Variants in JADE1 observed in about 807,000 individuals in gnomAD.
The protein encoded by JADE1 is jade family PHD finger 1, also known as protein Jade-1.
Under a neutral mutation model 81.8 loss-of-function variants are expected in JADE1, and 14 were observed. The observed-to-expected ratio is 0.17, with a 90% CI of 0.11 to 0.27. JADE1 has a LOEUF of 0.27. Among genes scored for constraint, JADE1 ranks in the 10% least tolerant of loss-of-function variants. The pLI is 1.00. For missense variants in JADE1, 690 were observed against 1,047.9 expected (o/e 0.66, Z 4.71); for synonymous variants, 353 against 391.9 (o/e 0.90, Z 1.17).
intron 3 of JADE1, 42 bp downstream of exon 3, chr4:128,843,080 T>C (rs373796499): frequency 3.2e-5 from 48 of 1,486,192 alleles, no homozygotes; most frequent in Middle Eastern, 1.7e-4. Context: ...GAATATATGC[T>C]ATCCCATATG....
chr4:128,821,299 T>C (rs1242310331), intron 1 of JADE1, among the ~76,000 whole-genome samples: 2 of 152,182 alleles, frequency 1.3e-5, no homozygotes, highest in African/African-American at 2.4e-5. Flanking sequence ...CTCTTGGTGA[T>C]AGCACTGTGT....
intron 9 of JADE1, chr4:128,864,026 A>G: frequency 4.1e-6 from 4 of 985,422 alleles, no homozygotes; most frequent in Non-Finnish European, 4.8e-6. Context: ...CTGTTTAAGT[A>G]GAACAATGCC....
chr4:128,862,837 G>A, intron 9 of JADE1: 1 of 990,844 alleles, frequency 1.0e-6, no homozygotes, highest in Non-Finnish European at 1.2e-6. Flanking sequence ...ATGTACACAT[G>A]CATATATCTG....
In JADE1 at chr4:128,855,783, C is replaced by T; in HGVS notation, c.850C>T (p.Leu284=). The change falls in exon 7 of 11, where the codon CTG becomes TTG. Residue 284 remains leucine, a synonymous_variant. Transcript: ENST00000226319. ...CAAGTGGGTCCACGTTAGCTGTGCT[C>T]TGTGGATCCCTGAGGTACGTGTGGT... ...GTKWVHVSCA[L]WIPEVSIGSP... 1 of 1,607,376 alleles carries T rather than the reference C, an allele frequency of 6.2e-7. No individual in the cohort carries two copies. Among genetic ancestry groups the T allele is most frequent in the Non-Finnish European group, 8.5e-7 (1 of 1,176,088 alleles).
chr4:128,823,260 G>A (rs1422219378), intron 1 of JADE1, among the ~76,000 whole-genome samples: 1 of 152,186 alleles, frequency 6.6e-6, no homozygotes, highest in Non-Finnish European at 1.5e-5. Context: ...GAGCTCATAA[G>A]CAGTGATTGG....
Position 128,861,689 on chromosome 4 carries a change from G to C in JADE1, c.982-15G>C, listed in dbSNP as rs547101717. On this transcript the variant is annotated splice_polypyrimidine_tract_variant and intron_variant, in intron 8 of 10. Transcript: ENST00000226319. The stretch of plus-strand genomic sequence containing the variant: ...ATAATGGTCTATTCTCATGTTCTTT[G>C]TGTGTTCTTGACAGTGCTCTGTGAA... The C allele has an allele frequency of 6.2e-7, 1 of 1,612,178 alleles. No individual in the cohort carries two copies. Among genetic ancestry groups the C allele is most frequent in the South Asian group, 1.1e-5 (1 of 90,846 alleles).
chr4:128,839,297 G>A (rs1729234803), intron 2 of JADE1, among the ~76,000 whole-genome samples: 1 of 152,114 alleles, frequency 6.6e-6, no homozygotes, highest in Admixed American at 6.5e-5. Flanking sequence ...AGTTCCCTCG[G>A]GTTCACAACC....
At chr4:128,814,939 C>G (rs1236731809) in intron 1 of JADE1, among the ~76,000 whole-genome samples, 2 of 151,984 alleles carry the variant, frequency 1.3e-5, no homozygotes, top group African/African-American at 4.8e-5. Flanking sequence ...GTCCAGATTT[C>G]CCCATTTAGC....
At chr4:128,815,346 C>T (rs1187289678) in intron 1 of JADE1, among the ~76,000 whole-genome samples, 3 of 152,034 alleles carry the variant, frequency 2.0e-5, no homozygotes, top group African/African-American at 4.8e-5. Flanking sequence ...GTGATCCGCC[C>T]GCCTCAGCCT....
chr4:128,838,544 A>C (rs1034733435), intron 2 of JADE1, among the ~76,000 whole-genome samples: 1 of 152,192 alleles, frequency 6.6e-6, no homozygotes, highest in African/African-American at 2.4e-5. Context: ...AAACCAACCC[A>C]GTGTAATCTT....
chr4:128,825,058 G>A (rs1482418132), intron 1 of JADE1, among the ~76,000 whole-genome samples: 1 of 151,482 alleles, frequency 6.6e-6, no homozygotes, highest in Non-Finnish European at 1.5e-5. Context: ...TTCTTTTTTC[G>A]AGACAGAGTC....
At chr4:128,832,659 A>G (rs72683609) in intron 2 of JADE1, among the ~76,000 whole-genome samples, 2,857 of 152,380 alleles carry the variant, frequency 0.019, 50 homozygotes, top group Non-Finnish European at 0.031. Context: ...TTTTTGATGC[A>G]CTGTGGAAAC....
At chr4:128,857,246 T>C in intron 7 of JADE1, 92 bp from the exon 8 acceptor site, 1 of 951,998 alleles carries the variant, frequency 1.1e-6, no homozygotes, top group Non-Finnish European at 1.7e-6. Context: ...GTAGGAGAGA[T>C]GTAGGAAAGT....
intron 4 of JADE1, among the ~76,000 whole-genome samples, chr4:128,848,299 C>T (rs1211088041): frequency 1.3e-5 from 2 of 152,214 alleles, no homozygotes; most frequent in Non-Finnish European, 2.9e-5. Context: ...CTGCCCCAGC[C>T]TCCCGAGTAG....
chr4:128,869,532 G>T (rs1448263948), intron 10 of JADE1, among the ~76,000 whole-genome samples: 5 of 152,176 alleles, frequency 3.3e-5, no homozygotes, highest in African/African-American at 1.2e-4. Context: ...GTGATTCCCT[G>T]TAAAAATAAG....
intron 1 of JADE1, among the ~76,000 whole-genome samples, chr4:128,813,651 G>A (rs2091884169): frequency 6.6e-6 from 1 of 151,900 alleles, no homozygotes; most frequent in South Asian, 2.1e-4. Flanking sequence ...TCGAACTCCT[G>A]ACCTCGTGAT....
intron 9 of JADE1, chr4:128,863,822 G>A: frequency 1.0e-6 from 1 of 985,498 alleles, no homozygotes; most frequent in Non-Finnish European, 1.2e-6. Context: ...TGGGGTGCAT[G>A]AGCTATGGAG....
chr4:128,848,912 C>T, intron 4 of JADE1, 68 bp from the exon 5 acceptor site: 1 of 1,497,036 alleles, frequency 6.7e-7, no homozygotes, highest in Non-Finnish European at 9.2e-7. Flanking sequence ...ACATTTGGGG[C>T]CTTGTGGCAC....
At chr4:128,816,201 A>G (rs756655071) in intron 1 of JADE1, among the ~76,000 whole-genome samples, 18 of 152,282 alleles carry the variant, frequency 1.2e-4, no homozygotes, top group Non-Finnish European at 1.6e-4. Context: ...TGTATTTACA[A>G]TCTGGACAAT....
Sources: gnomAD v4.1 joint callset for allele counts (sites outside exome capture counted in the v4.1 genomes callset) on GRCh38, gnomAD v4.1.1 for gene constraint, MANE v1.5 for transcripts, NCBI Gene and HGNC (gene_info 2026-07-23, HGNC 2026-07-21) for gene names.